The following MSRA variants were observed in gnomAD, a reference collection of about 807,000 sequenced individuals.
MSRA encodes methionine sulfoxide reductase A, also known as mitochondrial peptide methionine sulfoxide reductase.
In MSRA, 54 loss-of-function variants were observed where a neutral mutation model predicts 31.3. That is an observed-to-expected ratio of 1.73 (90% CI 1.39 to 2.17). The LOEUF (loss-of-function observed/expected upper bound fraction) is 2.17. Ranked by LOEUF, MSRA falls within the 30% of genes most tolerant of loss-of-function variation. MSRA has a pLI of 0.00. For missense variants in MSRA, 507 were observed against 300.9 expected, an observed-to-expected ratio of 1.69 and a Z score of -5.07; for synonymous variants, 169 against 116.5, an observed-to-expected ratio of 1.45 and a Z score of -2.90.
intron 5 of MSRA, among the ~76,000 whole-genome samples, chr8:10,331,687 C>T (rs986757235): frequency 6.6e-6 from 1 of 152,158 alleles, no homozygotes; most frequent in Non-Finnish European, 1.5e-5. Context: ...GGATTGCTTC[C>T]AGGACCCTCT....
chr8:10,356,976 G>T (rs1021943939), intron 5 of MSRA, among the ~76,000 whole-genome samples: 9 of 150,932 alleles, frequency 6.0e-5, no homozygotes, highest in Non-Finnish European at 1.0e-4. Flanking sequence ...TTTTTCCTGT[G>T]GGTTTTTAAT....
chr8:10,274,695 A>T (rs1275180576), intron 3 of MSRA, among the ~76,000 whole-genome samples: 2 of 151,848 alleles, frequency 1.3e-5, no homozygotes, highest in African/African-American at 4.8e-5. Context: ...CCATGTATCT[A>T]CTCATCCGCC....
intron 5 of MSRA, among the ~76,000 whole-genome samples, chr8:10,411,747 T>A (rs1392394553): frequency 6.6e-6 from 1 of 152,276 alleles, no homozygotes; most frequent in African/African-American, 2.4e-5. Context: ...TCTCATTTTT[T>A]AAACATGGCG....
intron 1 of MSRA, among the ~76,000 whole-genome samples, chr8:10,185,994 A>C (rs1426491332): frequency 6.6e-6 from 1 of 152,022 alleles, no homozygotes; most frequent in Non-Finnish European, 1.5e-5. Context: ...TGGGAGCTGC[A>C]CACTCAGTTC....
At chr8:10,124,048 C>A (rs1238504259) in intron 1 of MSRA, among the ~76,000 whole-genome samples, 1 of 151,822 alleles carries the variant, frequency 6.6e-6, no homozygotes, top group Non-Finnish European at 1.5e-5. Flanking sequence ...CTTGGGATTG[C>A]AGAGGTCGAG....
chr8:10,380,385 G>A (rs1404781154), intron 5 of MSRA, among the ~76,000 whole-genome samples: 2 of 152,162 alleles, frequency 1.3e-5, no homozygotes, highest in African/African-American at 2.4e-5. Flanking sequence ...CACTGTATTT[G>A]GTGGGATGGA....
chr8:10,229,624 C>G (rs548390735), intron 2 of MSRA, among the ~76,000 whole-genome samples: 1 of 152,014 alleles, frequency 6.6e-6, no homozygotes, highest in African/African-American at 2.4e-5. Flanking sequence ...AGAGTGGACA[C>G]GAACGCTTAC....
At chr8:10,266,212 C>T (rs986256203) in intron 3 of MSRA, among the ~76,000 whole-genome samples, 1 of 152,198 alleles carries the variant, frequency 6.6e-6, no homozygotes, top group Non-Finnish European at 1.5e-5. Context: ...TTCCCATCAG[C>T]AGTGTACGAG....
chr8:10,230,025 C>T (rs1811332050), intron 2 of MSRA, among the ~76,000 whole-genome samples: 1 of 152,224 alleles, frequency 6.6e-6, no homozygotes. Flanking sequence ...GATAAAGATG[C>T]TCTGTGAAAA....
At chr8:10,261,462 G>C (rs1011279221) in intron 3 of MSRA, among the ~76,000 whole-genome samples, 1 of 151,828 alleles carries the variant, frequency 6.6e-6, no homozygotes. Flanking sequence ...TTGGGAGGCT[G>C]AGATGGGAGG....
intron 5 of MSRA, among the ~76,000 whole-genome samples, chr8:10,345,760 G>A (rs1319851907): frequency 6.6e-6 from 1 of 152,154 alleles, no homozygotes; most frequent in Non-Finnish European, 1.5e-5. Flanking sequence ...ACTCTAAAAA[G>A]GCCTGGCAAA....
At chr8:10,342,479 T>C (rs997090077) in intron 5 of MSRA, among the ~76,000 whole-genome samples, 1 of 152,174 alleles carries the variant, frequency 6.6e-6, no homozygotes, top group Non-Finnish European at 1.5e-5. Flanking sequence ...ATTTTGACCT[T>C]GTGGATCCTG....
At chr8:10,250,532 C>T (rs906967519) in intron 3 of MSRA, 39 of 696,428 alleles carry the variant, frequency 5.6e-5, no homozygotes, top group Middle Eastern at 2.3e-4. Context: ...AACTTTTCCT[C>T]GTAAGATTTA....
At chr8:10,115,858 A>G (rs1336811127) in intron 1 of MSRA, among the ~76,000 whole-genome samples, 2 of 152,234 alleles carry the variant, frequency 1.3e-5, no homozygotes, top group Non-Finnish European at 2.9e-5. Flanking sequence ...TAATTAATAA[A>G]TAGAAAACAC....
At chr8:10,188,068 C>A (rs1469191387) in intron 1 of MSRA, among the ~76,000 whole-genome samples, 1 of 152,146 alleles carries the variant, frequency 6.6e-6, no homozygotes, top group Non-Finnish European at 1.5e-5. Context: ...AAAAATACTT[C>A]TTTTGAAATA....
chr8:10,367,792 C>G (rs1385476208), intron 5 of MSRA, among the ~76,000 whole-genome samples: 1 of 152,206 alleles, frequency 6.6e-6, no homozygotes, highest in African/African-American at 2.4e-5. Context: ...AGTGCCTTCA[C>G]CCACAGCACA....
chr8:10,422,538 G>A (rs1808874613), intron 5 of MSRA, among the ~76,000 whole-genome samples: 1 of 152,196 alleles, frequency 6.6e-6, no homozygotes, highest in African/African-American at 2.4e-5. Context: ...CGCCCCACAT[G>A]TGTTACTGTA....
chr8:10,135,201 C>T (rs1802185984), intron 1 of MSRA, among the ~76,000 whole-genome samples: 1 of 152,200 alleles, frequency 6.6e-6, no homozygotes, highest in African/African-American at 2.4e-5. Flanking sequence ...ATAAGCAATA[C>T]CTGCCGTGGT....
rs1402310395 is a variant in MSRA at position 10,054,592 on chromosome 8, T to G, written c.76T>G (p.Ser26Ala). ...CTTTCCCGTCCCGAGGATGGGCAAC[T>G]CGGCCTCGAACATCGTCAGCCCCCA... ...SLFPVPRMGN[S>A]ASNIVSPQEA... Residue 26 changes from serine (S) to alanine (A), a missense_variant, in exon 1 of 6, where the codon TCG becomes GCG. Coordinates refer to ENST00000317173, the MANE Select transcript of MSRA (RefSeq NM_012331.5). 6.3e-7 allele frequency: 1 copy of G among 1,581,512 alleles called. No homozygotes were observed.
Sources: gnomAD v4.1 joint callset for allele counts (sites outside exome capture counted in the v4.1 genomes callset) on GRCh38, gnomAD v4.1.1 for gene constraint, MANE v1.5 for transcripts, NCBI Gene and HGNC (gene_info 2026-07-23, HGNC 2026-07-21) for gene names.